Variants in RAPGEF4 observed in about 807,000 individuals in gnomAD.
RAPGEF4 encodes RAP guanine-nucleotide-exchange factor (GEF) 4.
RAPGEF4 carries 66 observed loss-of-function variants against 147.9 expected under a neutral mutation model. The ratio of observed to expected loss-of-function variants is 0.45; its 90% CI spans 0.37 to 0.55. The LOEUF (loss-of-function observed/expected upper bound fraction) is 0.55, where lower values mean the gene tolerates loss of function less well. Among genes scored for constraint, RAPGEF4 ranks in the 20% least tolerant of loss-of-function variants. The pLI, the probability that RAPGEF4 is intolerant of heterozygous loss-of-function variation, is 0.00. For missense variants in RAPGEF4, 1,071 were observed against 1,257.3 expected (o/e 0.85, Z 2.24); for synonymous variants, 419 against 442.7 (o/e 0.95, Z 0.67).
At chr2:172,773,190 T>A (rs1683804474) in intron 1 of RAPGEF4, among the ~76,000 whole-genome samples, 1 of 152,234 alleles carries the variant, frequency 6.6e-6, no homozygotes, top group African/African-American at 2.4e-5. Context: ...TGATTTATTA[T>A]TAATAATAGA....
intron 24 of RAPGEF4, 56 bp downstream of exon 24, chr2:173,026,753 G>A (rs1696702037): frequency 6.3e-7 from 1 of 1,592,976 alleles, no homozygotes; most frequent in African/African-American, 1.3e-5. Flanking sequence ...AAAGGCTGCT[G>A]GCATTGCTTA....
intron 23 of RAPGEF4, among the ~76,000 whole-genome samples, chr2:173,023,504 G>A (rs1440974073): frequency 1.3e-5 from 2 of 152,164 alleles, no homozygotes; most frequent in East Asian, 3.9e-4. Flanking sequence ...CCACTTCTAA[G>A]GGAGAAGCAC....
In RAPGEF4 at chr2:172,956,772, C is replaced by A. The variant is rs1688787548; in HGVS notation, c.538-3988C>A. Among the ~76,000 whole-genome samples the A allele has an allele frequency of 1.3e-5, 2 of 152,186 alleles. 1 individual carries two copies. The highest frequency in any genetic ancestry group is 4.1e-4 in the South Asian group (2 of 4,834). On this transcript the variant is annotated intron_variant, in intron 6 of 30. Transcript: ENST00000397081. ...GGCGTGAGCCACTGCGCCTGGCCCA[C>A]AAAGTTGCTTTTTAAAAAGTTAATT...
At chr2:172,963,154 G>A (rs1333664665) in intron 8 of RAPGEF4, among the ~76,000 whole-genome samples, 5 of 152,196 alleles carry the variant, frequency 3.3e-5, no homozygotes, top group African/African-American at 1.2e-4. Context: ...CACAAGAAAA[G>A]CAAAAGGGGA....
intron 1 of RAPGEF4, among the ~76,000 whole-genome samples, chr2:172,778,232 C>A (rs188917295): frequency 1.3e-5 from 2 of 152,098 alleles, no homozygotes; most frequent in East Asian, 3.9e-4. Context: ...TTGCTAACTT[C>A]TTTGTTCTGT....
chr2:172,903,109 C>G (rs116441918), intron 4 of RAPGEF4, among the ~76,000 whole-genome samples: 4,830 of 152,128 alleles, frequency 0.032, 161 homozygotes, highest in East Asian at 0.17. Flanking sequence ...TGGCTCAAGC[C>G]TGTAATCTCA....
intron 4 of RAPGEF4, among the ~76,000 whole-genome samples, chr2:172,860,567 G>GT (rs11400519): frequency 0.11 from 14,619 of 129,426 alleles, 870 homozygotes; most frequent in African/African-American, 0.18. Context: ...GTTTATTTGG[G>GT]TTTTTTTTTT....
At chr2:172,770,437 G>A (rs776459370) in intron 1 of RAPGEF4, among the ~76,000 whole-genome samples, 4 of 152,220 alleles carry the variant, frequency 2.6e-5, no homozygotes, top group Non-Finnish European at 4.4e-5. Context: ...TAAGGCTATT[G>A]TGAGGATTAA....
Position 173,051,892 on chromosome 2 carries a change from GACAC to G in RAPGEF4, c.*126_*129del. On this transcript the variant is annotated 3_prime_UTR_variant, in exon 31 of 31. Transcript: ENST00000397081. ...CAAAACAAGCAAAAACACATCCTGA[GACAC>G]CTCAGGGCTGCATTCAGCTTACCAG... 3 of 1,149,930 alleles carry G rather than the reference GACAC, an allele frequency of 2.6e-6. No homozygotes were observed. The highest frequency in any genetic ancestry group is 3.7e-6 in the Non-Finnish European group (3 of 803,266). The allele number at this position is 1,149,930 out of a possible 1,614,324, so 71.2% of individuals were successfully genotyped here. A position where few individuals can be genotyped will look rare whatever the true frequency, so the allele number is the denominator to read the frequency against.
Position 172,754,936 on chromosome 2 carries a change from G to A in RAPGEF4, c.65+18888G>A, listed in dbSNP as rs191845736. ...CAGGCACCTGTAGTCCCAGCTAATC[G>A]GGAGGCTGAGGCAGGAGAATGGCAT... On this transcript the variant is annotated intron_variant, in intron 1 of 30. Coordinates refer to ENST00000397081, the MANE Select transcript of RAPGEF4 (RefSeq NM_007023.4). Among the ~76,000 whole-genome samples, 678 of 152,100 alleles carry A rather than the reference G, an allele frequency of 4.5e-3. 7 individuals carry two copies. The highest frequency in any genetic ancestry group is 0.015 in the African/African-American group (639 of 41,498).
intron 6 of RAPGEF4, among the ~76,000 whole-genome samples, chr2:172,955,092 T>C (rs887191102): frequency 1.3e-5 from 2 of 152,226 alleles, no homozygotes; most frequent in Admixed American, 6.5e-5. Flanking sequence ...TTCTTGTCTC[T>C]TGGTTTAAAA....
intron 8 of RAPGEF4, among the ~76,000 whole-genome samples, chr2:172,963,305 G>A (rs145443451): frequency 1.3e-5 from 2 of 152,296 alleles, no homozygotes; most frequent in East Asian, 3.9e-4. Flanking sequence ...TTTGAGAAAA[G>A]TAAAGGTTAA....
intron 3 of RAPGEF4, among the ~76,000 whole-genome samples, chr2:172,798,929 TAGACAC>T (rs1686680532): frequency 6.6e-6 from 1 of 152,212 alleles, no homozygotes; most frequent in African/African-American, 2.4e-5. Context: ...AAAATTCCAT[TAGACAC>T]AGCCTGGAAC....
intron 4 of RAPGEF4, among the ~76,000 whole-genome samples, chr2:172,896,009 G>A (rs942299725): frequency 2.0e-5 from 3 of 152,112 alleles, no homozygotes; most frequent in Admixed American, 1.3e-4. Flanking sequence ...TGAAATAAAC[G>A]AGCAGTGAAA....
chr2:172,901,814 G>A (rs1396984094), intron 4 of RAPGEF4, among the ~76,000 whole-genome samples: 1 of 152,130 alleles, frequency 6.6e-6, no homozygotes, highest in Non-Finnish European at 1.5e-5. Context: ...AGTGTTCTAG[G>A]GTCTGGGTAT....
At chr2:172,922,642 T>C (rs1684885796) in intron 6 of RAPGEF4, among the ~76,000 whole-genome samples, 2 of 152,256 alleles carry the variant, frequency 1.3e-5, no homozygotes, top group Non-Finnish European at 2.9e-5. Flanking sequence ...ACTAGTTGTT[T>C]TTCCTTAGCA....
intron 1 of RAPGEF4, among the ~76,000 whole-genome samples, chr2:172,744,672 A>G (rs547826812): frequency 6.2e-4 from 94 of 152,100 alleles, no homozygotes; most frequent in Non-Finnish European, 9.6e-4. Context: ...GTCTTCTATT[A>G]TTTATTTTTC....
At chr2:172,844,692 A>G (rs1691977933) in intron 4 of RAPGEF4, among the ~76,000 whole-genome samples, 1 of 152,144 alleles carries the variant, frequency 6.6e-6, no homozygotes, top group Non-Finnish European at 1.5e-5. Context: ...TCCTCAGAGG[A>G]CTTCTTTGAG....
intron 22 of RAPGEF4, among the ~76,000 whole-genome samples, chr2:173,019,562 T>G (rs17746510): frequency 0.35 from 53,893 of 152,194 alleles, 11,573 homozygotes; most frequent in Admixed American, 0.46. Flanking sequence ...AGTCATGATT[T>G]GACAGCCATT....
Sources: allele counts gnomAD v4.1 joint callset (sites outside exome capture counted in the v4.1 genomes callset), GRCh38; gene constraint gnomAD v4.1.1; transcripts MANE v1.5; gene names NCBI Gene and HGNC (gene_info 2026-07-23, HGNC 2026-07-21).